Variants in NKAIN2 observed in about 807,000 individuals in gnomAD.
NKAIN2 encodes sodium/potassium-transporting ATPase subunit beta-1-interacting protein 2.
A neutral mutation model predicts 32.6 loss-of-function variants in NKAIN2; 14 were observed. The ratio of observed to expected loss-of-function variants is 0.43; its 90% CI spans 0.28 to 0.67. The LOEUF (loss-of-function observed/expected upper bound fraction) is 0.67, where lower values mean the gene tolerates loss of function less well. Among genes scored for constraint, NKAIN2 ranks in the 30% least tolerant of loss-of-function variants. The pLI is 0.17. For synonymous variants in NKAIN2, 80 were observed against 87.2 expected, an observed-to-expected ratio of 0.92 and a Z score of 0.46; for missense variants, 198 against 258.3, an observed-to-expected ratio of 0.77 and a Z score of 1.60.
chr6:124,227,522 T>C lies in NKAIN2; in HGVS notation c.55-55483T>C, dbSNP rs1170487338. ...GCAGAATATTTGCAGATTCAAACACTCTTAAATTAAAGGAGTGGTATTCAT... is the reference window on the plus strand; with the variant it reads ...GCAGAATATTTGCAGATTCAAACACCCTTAAATTAAAGGAGTGGTATTCAT... On this transcript the variant is annotated intron_variant, in intron 1 of 6. Transcript: ENST00000368417. Among the ~76,000 whole-genome samples the C allele has an allele frequency of 2.0e-5, 3 of 152,316 alleles. No individual in the cohort carries two copies. In the East Asian group the frequency reaches 5.8e-4, roughly 29 times the overall value.
At chr6:123,930,839 A>G (rs565856035) in intron 1 of NKAIN2, among the ~76,000 whole-genome samples, 1 of 152,296 alleles carries the variant, frequency 6.6e-6, no homozygotes, top group East Asian at 1.9e-4. Flanking sequence ...GGACTAAATG[A>G]AAAACAACTA....
intron 1 of NKAIN2, among the ~76,000 whole-genome samples, chr6:123,836,353 A>G (rs1382396447): frequency 1.3e-5 from 2 of 152,148 alleles, no homozygotes; most frequent in Non-Finnish European, 2.9e-5. Flanking sequence ...GACAAAGATT[A>G]ATATTACCAC....
intron 1 of NKAIN2, among the ~76,000 whole-genome samples, chr6:123,838,504 T>C (rs924646105): frequency 2.8e-4 from 43 of 152,200 alleles, no homozygotes; most frequent in African/African-American, 1.0e-3. Context: ...ACTTGAGTTA[T>C]GTCAAATTTC....
Position 123,947,437 on chromosome 6 carries a change from G to T in NKAIN2, c.54+143183G>T, listed in dbSNP as rs182776827. Among the ~76,000 whole-genome samples, 13 of 152,176 alleles carry T rather than the reference G, an allele frequency of 8.5e-5. No individual in the cohort carries two copies. The East Asian group carries it at 2.5e-3, about 29-fold the overall frequency. On this transcript the variant is annotated intron_variant, in intron 1 of 6. Transcript: ENST00000368417. ...TCTTTCATCTCAAAGCCTCTATGTT[G>T]TTTCTTTTTCTTCCCTTCACTCCCC... is the stretch of plus-strand genomic sequence containing the variant.
rs148291486 is a variant in NKAIN2, at chr6:124,447,284, G to C, written c.273+91937G>C. 7.6e-3 allele frequency among the ~76,000 whole-genome samples: 1,150 copies of C among 151,860 alleles called. 9 individuals are homozygous for C. The highest frequency in any genetic ancestry group is 0.027 in the Middle Eastern group (8 of 294). On this transcript the variant is annotated intron_variant, in intron 3 of 6. Coordinates refer to ENST00000368417, the MANE Select transcript of NKAIN2 (RefSeq NM_001040214.3). ...CCCACCAGACCTTAAGCTCCTTCAG[G>C]GCTTCTGAAATGCTAGTGCCTGGTA...
intron 4 of NKAIN2, among the ~76,000 whole-genome samples, chr6:124,680,057 T>C (rs1262291520): frequency 7.3e-6 from 1 of 137,618 alleles, no homozygotes; most frequent in East Asian, 2.2e-4. Flanking sequence ...AATTCTCTTA[T>C]GTGCTATATT....
chr6:124,585,144 C>G (rs1781667790), intron 3 of NKAIN2, among the ~76,000 whole-genome samples: 1 of 152,114 alleles, frequency 6.6e-6, no homozygotes, highest in Non-Finnish European at 1.5e-5. Flanking sequence ...GAATAAGATC[C>G]TATCGTTGGC....
At chr6:124,266,675 A>G (rs1253754521) in intron 1 of NKAIN2, among the ~76,000 whole-genome samples, 1 of 152,216 alleles carries the variant, frequency 6.6e-6, no homozygotes, top group Admixed American at 6.5e-5. Flanking sequence ...GACACCTTCA[A>G]GGTATTAAGA....
intron 1 of NKAIN2, among the ~76,000 whole-genome samples, chr6:123,826,325 A>C (rs750239540): frequency 6.6e-6 from 1 of 152,200 alleles, no homozygotes; most frequent in East Asian, 1.9e-4. Flanking sequence ...TTAAGACAAG[A>C]TCTGGAGATT....
intron 1 of NKAIN2, among the ~76,000 whole-genome samples, chr6:124,073,854 G>C (rs1783572079): frequency 6.6e-6 from 1 of 152,084 alleles, no homozygotes; most frequent in Non-Finnish European, 1.5e-5. Flanking sequence ...GGGCTGAAAA[G>C]CTAAACAATT....
intron 2 of NKAIN2, among the ~76,000 whole-genome samples, chr6:124,321,475 TAAA>T (rs1797189847): frequency 6.6e-6 from 1 of 152,086 alleles, no homozygotes; most frequent in Non-Finnish European, 1.5e-5. Flanking sequence ...TAATAAAAAT[TAAA>T]AAAGAGTTTT....
At chr6:124,725,836 G>A (rs1188804249) in intron 4 of NKAIN2, among the ~76,000 whole-genome samples, 1 of 152,210 alleles carries the variant, frequency 6.6e-6, no homozygotes, top group Non-Finnish European at 1.5e-5. Flanking sequence ...GTGGGCGCAG[G>A]TCAGTGGGTG....
chr6:124,707,087 G>A (rs1399209745), intron 4 of NKAIN2, among the ~76,000 whole-genome samples: 11 of 148,458 alleles, frequency 7.4e-5, no homozygotes, highest in East Asian at 2.0e-4. Flanking sequence ...GAGAATATGC[G>A]GTGTTTGGTT....
intron 3 of NKAIN2, among the ~76,000 whole-genome samples, chr6:124,627,947 T>G (rs995060135): frequency 6.6e-6 from 1 of 152,012 alleles, no homozygotes; most frequent in African/African-American, 2.4e-5. Context: ...CACATTCACA[T>G]AACCACTCAC....
chr6:123,964,574 G>A lies in NKAIN2; in HGVS notation c.54+160320G>A, dbSNP rs928006212. Among the ~76,000 whole-genome samples, 11 of 152,130 alleles carry A rather than the reference G, an allele frequency of 7.2e-5. No homozygotes were observed. In the South Asian group the frequency reaches 8.3e-4, roughly 12 times the overall value. On this transcript the variant is annotated intron_variant, in intron 1 of 6. Coordinates refer to ENST00000368417, the MANE Select transcript of NKAIN2 (RefSeq NM_001040214.3). The surrounding 1 kb of genome is among the most constrained non-coding windows in gnomAD (Gnocchi z 4.0). Reference sequence around the variant, plus strand: ...TCATTTTCCTACAGAAAGGACTTGGGGATATAGAAAGGGCGTATGTAAGAG... The same window carrying A: ...TCATTTTCCTACAGAAAGGACTTGGAGATATAGAAAGGGCGTATGTAAGAG...
intron 3 of NKAIN2, among the ~76,000 whole-genome samples, chr6:124,530,920 G>A (rs1177739546): frequency 6.6e-6 from 1 of 152,160 alleles, no homozygotes. Flanking sequence ...TGTTCTATCT[G>A]GGCCCTCAGT....
At chr6:124,243,275 A>G (rs1403801804) in intron 1 of NKAIN2, among the ~76,000 whole-genome samples, 1 of 151,974 alleles carries the variant, frequency 6.6e-6, no homozygotes, top group Non-Finnish European at 1.5e-5. Flanking sequence ...CAGATGTAAC[A>G]CTTGAGGCCA....
At chr6:124,703,369 C>T (rs149206151) in intron 4 of NKAIN2, among the ~76,000 whole-genome samples, 222 of 152,142 alleles carry the variant, frequency 1.5e-3, no homozygotes, top group African/African-American at 5.1e-3. Context: ...TACTGATTAC[C>T]GCTTAGCATT....
In NKAIN2 at chr6:124,216,936, A is replaced by G. The variant is rs573676684; in HGVS notation, c.55-66069A>G. Reference sequence around the variant, plus strand: ...TCAATGTTTGCAGCCAATGTGTAGAACATAACTATTATAAATAACAAGAAT... The same window carrying G: ...TCAATGTTTGCAGCCAATGTGTAGAGCATAACTATTATAAATAACAAGAAT... On this transcript the variant is annotated intron_variant, in intron 1 of 6. Transcript: ENST00000368417. 3.9e-5 allele frequency among the ~76,000 whole-genome samples: 6 copies of G among 152,302 alleles called. No homozygotes were observed. In the South Asian group the frequency reaches 1.0e-3, roughly 26 times the overall value.
Sources: allele counts gnomAD v4.1 joint callset (sites outside exome capture counted in the v4.1 genomes callset), GRCh38; gene constraint gnomAD v4.1.1; non-coding constraint Gnocchi (gnomAD v3.1); transcripts MANE v1.5; gene names NCBI Gene and HGNC (gene_info 2026-07-23, HGNC 2026-07-21).